The following CATSPERE variants were observed in gnomAD, a reference collection of about 807,000 sequenced individuals.
CATSPERE encodes the protein cation channel sperm-associated auxiliary subunit epsilon.
CATSPERE carries 93 observed loss-of-function variants against 114.1 expected under a neutral mutation model. The observed-to-expected ratio is 0.81, with a 90% CI of 0.69 to 0.97. The LOEUF (loss-of-function observed/expected upper bound fraction) is 0.97, where lower values mean the gene tolerates loss of function less well. CATSPERE is among the 50% of genes least tolerant of loss of function. The pLI is 0.00. For missense variants in CATSPERE, 1,058 were observed against 1,131.6 expected (o/e 0.93, Z 0.93); for synonymous variants, 341 against 384.1 (o/e 0.89, Z 1.31).
At chr1:244,605,439 T>G (rs1041539547) in intron 17 of CATSPERE, among the ~76,000 whole-genome samples, 12 of 152,158 alleles carry the variant, frequency 7.9e-5, no homozygotes, top group Non-Finnish European at 1.8e-4. Context: ...GGTTTTATTT[T>G]GAGAGCTGAA....
chr1:244,510,493 TA>T (rs1208956673), intron 7 of CATSPERE, among the ~76,000 whole-genome samples: 1 of 152,186 alleles, frequency 6.6e-6, no homozygotes, highest in Non-Finnish European at 1.5e-5. Context: ...ATTCAATTTT[TA>T]AAAAAATGTT....
chr1:244,554,462 A>G (rs1661272107), intron 9 of CATSPERE, among the ~76,000 whole-genome samples: 1 of 152,166 alleles, frequency 6.6e-6, no homozygotes, highest in Non-Finnish European at 1.5e-5. Flanking sequence ...CCTAGGCGTT[A>G]GAGACCAGCC....
At chr1:244,549,933 G>T (rs1660347445) in intron 8 of CATSPERE, among the ~76,000 whole-genome samples, 1 of 152,060 alleles carries the variant, frequency 6.6e-6, no homozygotes, top group African/African-American at 2.4e-5. Context: ...TCCACTGAGG[G>T]CTTGAAAAGG....
chr1:244,601,966 AAGG>A (rs945585099), intron 17 of CATSPERE, among the ~76,000 whole-genome samples: 6 of 151,068 alleles, frequency 4.0e-5, no homozygotes, highest in African/African-American at 1.5e-4. Context: ...AAGGAGAGAG[AAGG>A]AGGAGAAGGG....
intron 5 of CATSPERE, among the ~76,000 whole-genome samples, chr1:244,483,562 T>C (rs1305815629): frequency 1.3e-5 from 2 of 152,180 alleles, no homozygotes; most frequent in African/African-American, 4.8e-5. Context: ...TTCTTTACAT[T>C]TTACTGATTA....
intron 8 of CATSPERE, among the ~76,000 whole-genome samples, chr1:244,526,670 A>T (rs1466776802): frequency 1.4e-5 from 2 of 144,954 alleles, no homozygotes; most frequent in Non-Finnish European, 1.5e-5. Context: ...TTTTTTTTAG[A>T]CAGGTTCTCA....
intron 1 of CATSPERE, among the ~76,000 whole-genome samples, chr1:244,461,811 G>A (rs547194626): frequency 1.9e-4 from 29 of 152,212 alleles, no homozygotes; most frequent in African/African-American, 6.7e-4. Flanking sequence ...TGTTTAGGGC[G>A]GGGGTTGTCT....
At chr1:244,503,099 G>A (rs1674322784) in intron 7 of CATSPERE, among the ~76,000 whole-genome samples, 2 of 152,164 alleles carry the variant, frequency 1.3e-5, no homozygotes, top group Non-Finnish European at 2.9e-5. Flanking sequence ...GGTTATAAAT[G>A]TGTGAAGTGT....
At chr1:244,549,365 G>A (rs1660243695) in intron 8 of CATSPERE, among the ~76,000 whole-genome samples, 1 of 152,124 alleles carries the variant, frequency 6.6e-6, no homozygotes, top group East Asian at 1.9e-4. Context: ...AATGAGGAAT[G>A]TAATTGTCAT....
At chr1:244,617,422 A>G (rs1671536256) in intron 19 of CATSPERE, 107 bp from the exon 20 acceptor site, 2 of 824,904 alleles carry the variant, frequency 2.4e-6, no homozygotes, top group Non-Finnish European at 3.6e-6. Flanking sequence ...AATAGAAGGG[A>G]ATAGCCATTA....
At chr1:244,463,989 A>G in intron 2 of CATSPERE, 33 bp downstream of exon 2, 1 of 1,486,450 alleles carries the variant, frequency 6.7e-7, no homozygotes, top group Non-Finnish European at 9.3e-7. Context: ...ACTATAGTTA[A>G]ATATTAAATT....
rs144846364 is a variant in CATSPERE, at chr1:244,574,897, C to T, written c.1950+2125C>T. 3.1e-3 allele frequency among the ~76,000 whole-genome samples: 467 copies of T among 152,264 alleles called. 4 individuals carry two copies. The highest frequency in any genetic ancestry group is 0.011 in the African/African-American group (449 of 41,552). ...TTCCCTTTTATAACTTTTTTTATGA[C>T]TTTCACAGACAATCTTTGACATGCC... On this transcript the variant is annotated intron_variant, in intron 11 of 21. Transcript: ENST00000366534.
chr1:244,469,015 CTG>C (rs1483483356), intron 2 of CATSPERE, among the ~76,000 whole-genome samples: 2 of 152,172 alleles, frequency 1.3e-5, no homozygotes, highest in Non-Finnish European at 2.9e-5. Flanking sequence ...CTTCTCTACT[CTG>C]TGTAAATTGA....
At chr1:244,578,843 T>TATATATACAC (rs756669283) in intron 11 of CATSPERE, among the ~76,000 whole-genome samples, 20 of 139,594 alleles carry the variant, frequency 1.4e-4, no homozygotes, top group African/African-American at 3.4e-4. Flanking sequence ...TATATATATA[T>TATATATACAC]ACACACACAC....
rs1427615911 is a variant in CATSPERE at position 244,575,138 on chromosome 1, C to T, written c.1950+2366C>T. 2.0e-5 allele frequency among the ~76,000 whole-genome samples: 3 copies of T among 152,210 alleles called. No individual in the cohort carries two copies. Among genetic ancestry groups the T allele is most frequent in the Admixed American group, 2.0e-4 (3 of 15,286 alleles). ...CCCCAGAGCATGTGCCGCCATCTGT[C>T]TCTCCTGTTTCTTTCTGATTTTCCT... is the stretch of plus-strand genomic sequence containing the variant. On this transcript the variant is annotated intron_variant, in intron 11 of 21. Coordinates refer to ENST00000366534, the MANE Select transcript of CATSPERE (RefSeq NM_001130957.2). The surrounding 1 kb of genome is among the most constrained non-coding windows in gnomAD (Gnocchi z 4.5).
At chr1:244,481,328 G>C (rs1670234222) in intron 5 of CATSPERE, among the ~76,000 whole-genome samples, 1 of 152,128 alleles carries the variant, frequency 6.6e-6, no homozygotes, top group African/African-American at 2.4e-5. Context: ...GCGGGCGCCT[G>C]TAATCCCAGC....
At chr1:244,595,501 A>G (rs1319385927) in intron 17 of CATSPERE, among the ~76,000 whole-genome samples, 2 of 152,216 alleles carry the variant, frequency 1.3e-5, no homozygotes, top group Non-Finnish European at 2.9e-5. Flanking sequence ...AAGAAAATTT[A>G]TAGTTCAAAC....
At chr1:244,490,370 G>A (rs972995763) in intron 5 of CATSPERE, 77 bp from the exon 6 acceptor site, 1 of 952,818 alleles carries the variant, frequency 1.0e-6, no homozygotes, top group Non-Finnish European at 1.6e-6. Context: ...TTAGAAACAT[G>A]TATCTTGAAA....
At chr1:244,507,436 G>A (rs1674995753) in intron 7 of CATSPERE, among the ~76,000 whole-genome samples, 1 of 152,180 alleles carries the variant, frequency 6.6e-6, no homozygotes, top group Non-Finnish European at 1.5e-5. Flanking sequence ...TCTACAGACT[G>A]TCTCTTCACT....
Sources: allele counts gnomAD v4.1 joint callset (sites outside exome capture counted in the v4.1 genomes callset), GRCh38; gene constraint gnomAD v4.1.1; non-coding constraint Gnocchi (gnomAD v3.1); transcripts MANE v1.5; gene names NCBI Gene and HGNC (gene_info 2026-07-23, HGNC 2026-07-21).